The following IRF6 variants were observed in gnomAD, a reference collection of about 807,000 sequenced individuals.
IRF6 encodes the protein Van der Woude syndrome.
In IRF6, 6 loss-of-function variants were observed where a neutral mutation model predicts 51.4. The observed-to-expected ratio is 0.12, with a 90% CI of 0.06 to 0.23. The LOEUF (loss-of-function observed/expected upper bound fraction) is 0.23, where lower values mean the gene tolerates loss of function less well. Among genes scored for constraint, IRF6 ranks in the 10% least tolerant of loss-of-function variants. IRF6 has a pLI of 1.00. For missense variants in IRF6, 348 were observed against 585.2 expected, an observed-to-expected ratio of 0.59 and a Z score of 4.18; for synonymous variants, 178 against 215.7, an observed-to-expected ratio of 0.83 and a Z score of 1.53.
At chr1:209,801,191 A>AG in intron 3 of IRF6, 49 bp downstream of exon 3, 2 of 1,497,742 alleles carry the variant, frequency 1.3e-6, no homozygotes, top group Non-Finnish European at 1.8e-6. Context: ...GCCAAAAAAA[A>AG]AAAAAAAAAA....
At chr1:209,798,344 A>C (rs2077917186) in intron 3 of IRF6, among the ~76,000 whole-genome samples, 1 of 151,924 alleles carries the variant, frequency 6.6e-6, no homozygotes, top group East Asian at 1.9e-4. Context: ...GCCTCCCCAA[A>C]TTTTCCCTTC....
At position 209,790,347 on chromosome 1, in the gene IRF6, A is replaced by AGTTC; in HGVS notation, c.1060+144_1060+147dup. On this transcript the variant is annotated intron_variant, in intron 7 of 8. Transcript: ENST00000367021. This position sits in a 1 kb window ranked among gnomAD's most constrained non-coding sequence, Gnocchi z 4.8. ...GGTCACCTCCAATTTTTAGAACCAA[A>AGTTC]GTTCTGTTCTCCCTTGACCTCCTCC... 3 of 870,726 alleles carry AGTTC rather than the reference A, an allele frequency of 3.4e-6. No homozygotes were observed. Among genetic ancestry groups the AGTTC allele is most frequent in the Non-Finnish European group, 5.6e-6 (3 of 539,762 alleles). 53.9% of individuals were successfully genotyped at this position (870,726 alleles called of 1,614,324 possible).
chr1:209,790,198 T>A lies in IRF6; in HGVS notation c.1060+297A>T, dbSNP rs770361941. ...TTACCTTCCAAAGTTAAAGACACGC[T>A]GGTAACATTTGAGGTGTAATGACAG... On this transcript the variant is annotated intron_variant, in intron 7 of 8. Transcript: ENST00000367021. The surrounding 1 kb of genome is among the most constrained non-coding windows in gnomAD (Gnocchi z 4.8). Among the ~76,000 whole-genome samples, 1 of 152,232 alleles carries A rather than the reference T, an allele frequency of 6.6e-6. No individual in the cohort carries two copies. Among genetic ancestry groups the A allele is most frequent in the Non-Finnish European group, 1.5e-5 (1 of 68,036 alleles).
chr1:209,799,819 T>C (rs1296971800), intron 3 of IRF6, among the ~76,000 whole-genome samples: 1 of 152,268 alleles, frequency 6.6e-6, no homozygotes, highest in Non-Finnish European at 1.5e-5. Context: ...GTACTAACCT[T>C]ATCAACTTTT....
At position 209,801,271 on chromosome 1, in the gene IRF6, G is replaced by A. The variant is rs762950603; in HGVS notation, c.143C>T (p.Pro48Leu). 3 of 1,613,866 alleles carry A rather than the reference G, an allele frequency of 1.9e-6. No individual in the cohort carries two copies. In the African/African-American group the frequency reaches 4.0e-5, roughly 22 times the overall value. ...IPWKHATRHS[P>L]QQEEENTIFK... Reference sequence around the variant, plus strand: ...AATGGTATTTTCCTCTTCTTGTTGAGGGCTATGCCGGGTGGCATGTTTCCA... The same window carrying A: ...AATGGTATTTTCCTCTTCTTGTTGAAGGCTATGCCGGGTGGCATGTTTCCA... Residue 48 changes from proline (P) to leucine (L), a missense_variant, in exon 3 of 9, where the codon CCT (proline) becomes CTT (leucine). This residue lies in a region of IRF6 where 48 missense variants were observed against 128.1 expected (regional missense o/e 0.37). Transcript: ENST00000367021.
intron 2 of IRF6, 54 bp from the exon 3 acceptor site, chr1:209,801,470 G>A (rs1226708890): frequency 2.1e-6 from 3 of 1,424,704 alleles, no homozygotes; most frequent in East Asian, 2.3e-5. Flanking sequence ...GCCAGCCACT[G>A]GGAACCCTTC....
rs1443748842 is a variant in IRF6, at chr1:209,789,641, T to C, written c.1179+26A>G. 3 of 1,525,692 alleles carry C rather than the reference T, an allele frequency of 2.0e-6. No individual in the cohort carries two copies. In the African/African-American group the frequency reaches 4.1e-5, roughly 21 times the overall value. The allele number at this position is 1,525,692 out of a possible 1,614,324, so 94.5% of individuals were successfully genotyped here. ...TAAGCATTGGCAAAAAGATGAAGAGTTGTTGACACAGCCTTATCTTCTCAC... is the reference window on the plus strand; with the variant it reads ...TAAGCATTGGCAAAAAGATGAAGAGCTGTTGACACAGCCTTATCTTCTCAC... On this transcript the variant is annotated intron_variant, in intron 8 of 8. Coordinates refer to ENST00000367021, the MANE Select transcript of IRF6 (RefSeq NM_006147.4).
intron 5 of IRF6, 46 bp from the exon 6 acceptor site, chr1:209,792,473 A>G (rs760096868): frequency 2.5e-6 from 4 of 1,601,558 alleles, no homozygotes; most frequent in African/African-American, 1.3e-5. Flanking sequence ...CCACACGTGC[A>G]CATCACTTGC....
chr1:209,799,854 A>C (rs2077928556), intron 3 of IRF6, among the ~76,000 whole-genome samples: 1 of 152,226 alleles, frequency 6.6e-6, no homozygotes, highest in African/African-American at 2.4e-5. Flanking sequence ...AATCTAAATT[A>C]AGATTTAGAT....
chr1:209,795,360 C>T lies in IRF6; in HGVS notation c.438G>A (p.Glu146=). ...EKDNDVDEED[E]EDELDQSQHH... The stretch of plus-strand genomic sequence containing the variant: ...GCTGCGACTGATCCAGCTCATCTTC[C>T]TCATCTTCTTCATCCACATCATTAT... Residue 146 remains glutamate (E), a synonymous_variant, in exon 5 of 9, where the codon GAG becomes GAA. Transcript: ENST00000367021. 6.2e-7 allele frequency: 1 copy of T among 1,614,192 alleles called. No homozygotes were observed. The highest frequency in any genetic ancestry group is 8.5e-7 in the Non-Finnish European group (1 of 1,180,018).
At chr1:209,797,324 C>T (rs112631137) in intron 3 of IRF6, among the ~76,000 whole-genome samples, 15 of 126,514 alleles carry the variant, frequency 1.2e-4, no homozygotes, top group African/African-American at 4.5e-4. Context: ...GAGCCAAGAT[C>T]GTGCCATTGC....
chr1:209,788,165 C>T lies in IRF6; in HGVS notation c.*255G>A. On this transcript the variant is annotated 3_prime_UTR_variant, in exon 9 of 9. Transcript: ENST00000367021. ...AAGCTGCAGCTAGAACTTTGGTGTC[C>T]AAACTCCCAGGCCAAATCTCCTTCT... The T allele has an allele frequency of 2.0e-6, 1 of 495,486 alleles. No individual in the cohort carries two copies. The highest frequency in any genetic ancestry group is 2.3e-5 in the South Asian group (1 of 43,132). The allele number at this position is 495,486 out of a possible 1,614,324, so 30.7% of individuals were successfully genotyped here.
In IRF6 at chr1:209,802,432, G is replaced by T. The variant is rs528099149; in HGVS notation, c.-75-389C>A. On this transcript the variant is annotated intron_variant, in intron 1 of 8. Transcript: ENST00000367021. ...CAGAAAACAAAAGCCTTCCCAGATT[G>T]GGTGACTGATAAAAAAACAGTCACT... Among the ~76,000 whole-genome samples the T allele has an allele frequency of 5.9e-5, 9 of 152,322 alleles. No individual in the cohort carries two copies. In the South Asian group the frequency reaches 1.9e-3, roughly 32 times the overall value.
chr1:209,789,811 G>C (rs1198946534), intron 7 of IRF6, 26 bp from the exon 8 acceptor site: 1 of 1,466,876 alleles, frequency 6.8e-7, no homozygotes, highest in African/African-American at 1.4e-5. Context: ...GAGCAAGTTT[G>C]GTATACTGGG....
intron 5 of IRF6, among the ~76,000 whole-genome samples, chr1:209,794,022 T>G (rs1225949206): frequency 3.9e-5 from 6 of 152,256 alleles, no homozygotes. Context: ...GAATAAGTAC[T>G]GCAATGAACA....
chr1:209,792,856 A>G, intron 5 of IRF6: 1 of 222,722 alleles, frequency 4.5e-6, no homozygotes, highest in Non-Finnish European at 9.1e-6. Context: ...AACAACAAAC[A>G]AATACTTTTA....
intron 3 of IRF6, among the ~76,000 whole-genome samples, 194 bp downstream of exon 3, chr1:209,801,046 G>A (rs1371082037): frequency 6.6e-6 from 1 of 152,094 alleles, no homozygotes; most frequent in Non-Finnish European, 1.5e-5. Flanking sequence ...TTCAATGAGT[G>A]GGAAAGAATA....
At chr1:209,791,879 G>C (rs558102395) in intron 6 of IRF6, among the ~76,000 whole-genome samples, 1 of 152,308 alleles carries the variant, frequency 6.6e-6, no homozygotes, top group South Asian at 2.1e-4. Flanking sequence ...TCAACCTTCT[G>C]CATTCAAGTG....
At chr1:209,804,429 AG>A (rs2077961769) in intron 1 of IRF6, among the ~76,000 whole-genome samples, 1 of 152,138 alleles carries the variant, frequency 6.6e-6, no homozygotes, top group African/African-American at 2.4e-5. Flanking sequence ...AGCAGCATAG[AG>A]GGCCAATAAA....
Sources: allele counts gnomAD v4.1 joint callset (sites outside exome capture counted in the v4.1 genomes callset), GRCh38; gene constraint gnomAD v4.1.1; regional missense constraint gnomAD v4.1.1; non-coding constraint Gnocchi (gnomAD v3.1); transcripts MANE v1.5; gene names NCBI Gene and HGNC (gene_info 2026-07-23, HGNC 2026-07-21).